SUMF1: variants seen among roughly 807,000 people sequenced by gnomAD.
The protein encoded by SUMF1 is sulfatase modifying factor 1, also known as formylglycine-generating enzyme.
In SUMF1, 48 loss-of-function variants were observed where a neutral mutation model predicts 47.6. The observed-to-expected ratio is 1.01, with a 90% CI of 0.80 to 1.28. SUMF1 has a LOEUF of 1.28. Ranked by LOEUF, SUMF1 falls within the 50% of genes most tolerant of loss-of-function variation. The probability of loss-of-function intolerance (pLI) is 0.00; values close to 1 mark genes in which losing one functional copy is unlikely to be tolerated. For synonymous variants in SUMF1, 230 were observed against 192.1 expected (o/e 1.20, Z -1.63); for missense variants, 571 against 485.4 (o/e 1.18, Z -1.66).
At chr3:4,447,534 C>G (rs986234913) in intron 3 of SUMF1, among the ~76,000 whole-genome samples, 1 of 151,786 alleles carries the variant, frequency 6.6e-6, no homozygotes, top group Admixed American at 6.6e-5. Flanking sequence ...AAATTTACCT[C>G]GTAGGCCAAC....
At chr3:4,379,316 C>T (rs1204768521) in intron 7 of SUMF1, among the ~76,000 whole-genome samples, 1 of 152,090 alleles carries the variant, frequency 6.6e-6, no homozygotes, top group Non-Finnish European at 1.5e-5. Context: ...TTAGGGCGGG[C>T]CCTAAATCCA....
intron 8 of SUMF1, among the ~76,000 whole-genome samples, chr3:4,169,147 G>C (rs1401319887): frequency 6.6e-6 from 1 of 152,150 alleles, no homozygotes; most frequent in Non-Finnish European, 1.5e-5. Flanking sequence ...AGATGGAACA[G>C]ATAATGCTGG....
chr3:4,101,149 C>T (rs930150505), intron 8 of SUMF1, among the ~76,000 whole-genome samples: 2 of 151,208 alleles, frequency 1.3e-5, no homozygotes, highest in African/African-American at 2.4e-5. Context: ...AGGTATATAC[C>T]CAGGGGAATT....
intron 8 of SUMF1, among the ~76,000 whole-genome samples, chr3:4,139,033 C>G (rs1273644825): frequency 6.6e-6 from 1 of 152,048 alleles, no homozygotes; most frequent in Non-Finnish European, 1.5e-5. Flanking sequence ...AAGTATATCA[C>G]AGAAATCAGC....
chr3:4,265,256 G>A (rs751203785), intron 8 of SUMF1, among the ~76,000 whole-genome samples: 1 of 151,368 alleles, frequency 6.6e-6, no homozygotes, highest in South Asian at 2.1e-4. Context: ...TTCTGCTCAT[G>A]TTTTCTAAGA....
At chr3:4,197,083 C>A (rs911949270) in intron 8 of SUMF1, among the ~76,000 whole-genome samples, 13 of 152,052 alleles carry the variant, frequency 8.5e-5, no homozygotes, top group African/African-American at 3.1e-4. Flanking sequence ...GAAATGAATT[C>A]TATAAGGAGA....
intron 8 of SUMF1, among the ~76,000 whole-genome samples, chr3:4,181,978 G>C (rs1439467711): frequency 6.6e-6 from 1 of 152,116 alleles, no homozygotes; most frequent in Non-Finnish European, 1.5e-5. Flanking sequence ...GTTAATGTAA[G>C]AGACTAAAAT....
intron 8 of SUMF1, among the ~76,000 whole-genome samples, chr3:4,288,436 T>C (rs1697678354): frequency 1.3e-5 from 2 of 151,946 alleles, no homozygotes; most frequent in African/African-American, 4.8e-5. Flanking sequence ...CTATCATGGG[T>C]CTCTGTCCCT....
chr3:4,299,646 T>C (rs1311643516), intron 8 of SUMF1, among the ~76,000 whole-genome samples: 1 of 152,050 alleles, frequency 6.6e-6, no homozygotes, highest in African/African-American at 2.4e-5. Flanking sequence ...CCAGCTCTAC[T>C]AAAAATACAA....
intron 8 of SUMF1, among the ~76,000 whole-genome samples, chr3:4,369,842 G>A (rs1575142903): frequency 1.3e-5 from 2 of 152,134 alleles, no homozygotes; most frequent in Admixed American, 1.3e-4. Flanking sequence ...TAGTTTATAG[G>A]ATTTAGAGGG....
intron 8 of SUMF1, among the ~76,000 whole-genome samples, chr3:4,227,606 C>G (rs62258090): frequency 0.013 from 2,011 of 152,226 alleles, 25 homozygotes; most frequent in South Asian, 0.041. Flanking sequence ...CTCCCTAATC[C>G]AGGCCTAGCC....
chr3:4,037,147 G>C (rs762876822), intron 9 of SUMF1, among the ~76,000 whole-genome samples: 5 of 152,278 alleles, frequency 3.3e-5, no homozygotes, highest in Non-Finnish European at 7.4e-5. Flanking sequence ...AGAGAAGAGT[G>C]ATCTATTGGC....
intron 8 of SUMF1, among the ~76,000 whole-genome samples, chr3:4,214,747 A>G (rs12018732): frequency 6.6e-6 from 1 of 151,882 alleles, no homozygotes; most frequent in Non-Finnish European, 1.5e-5. Flanking sequence ...CCAAACCACC[A>G]TCAGAGATTA....
chr3:4,323,341 CATACAG>C (rs1432107726), intron 8 of SUMF1, among the ~76,000 whole-genome samples: 1 of 152,138 alleles, frequency 6.6e-6, no homozygotes, highest in Non-Finnish European at 1.5e-5. Flanking sequence ...TAGGCAACTC[CATACAG>C]ATACAAAGTA....
intron 8 of SUMF1, among the ~76,000 whole-genome samples, chr3:4,347,515 T>C (rs987189634): frequency 3.9e-5 from 6 of 152,138 alleles, no homozygotes; most frequent in Non-Finnish European, 8.8e-5. Context: ...ATAAACTAGG[T>C]ATTGATGGAA....
chr3:4,398,777 C>G (rs530189122), intron 7 of SUMF1, among the ~76,000 whole-genome samples: 57 of 152,300 alleles, frequency 3.7e-4, no homozygotes, highest in Admixed American at 8.5e-4. Flanking sequence ...TATGACATAG[C>G]GATTCCCATC....
chr3:4,295,670 T>C (rs1327652262), intron 8 of SUMF1, among the ~76,000 whole-genome samples: 1 of 152,176 alleles, frequency 6.6e-6, no homozygotes, highest in Admixed American at 6.5e-5. Context: ...GTGAGTGAAA[T>C]TAATTTCTTG....
intron 8 of SUMF1, among the ~76,000 whole-genome samples, chr3:4,200,555 T>C (rs1240015455): frequency 6.6e-6 from 1 of 152,090 alleles, no homozygotes. Context: ...CGCTCAAACT[T>C]AGAGTTACAC....
intron 8 of SUMF1, chr3:4,317,082 A>G: frequency 6.5e-7 from 1 of 1,543,864 alleles, no homozygotes; most frequent in Non-Finnish European, 8.8e-7. Flanking sequence ...TAAGCATCTC[A>G]ACAACTTTTT....
Sources: allele counts gnomAD v4.1 joint callset (sites outside exome capture counted in the v4.1 genomes callset), GRCh38; gene constraint gnomAD v4.1.1; transcripts MANE v1.5; gene names NCBI Gene and HGNC (gene_info 2026-07-23, HGNC 2026-07-21).